TMEM51: variants seen among roughly 807,000 people sequenced by gnomAD.
The protein encoded by TMEM51 is transmembrane protein 51.
A neutral mutation model predicts 13.6 loss-of-function variants in TMEM51; 8 were observed. The ratio of observed to expected loss-of-function variants is 0.59; its 90% CI spans 0.35 to 1.07. The LOEUF is 1.07. TMEM51 is among the 50% of genes least tolerant of loss of function. The pLI, the probability that TMEM51 is intolerant of heterozygous loss-of-function variation, is 0.02. For synonymous variants in TMEM51, 147 were observed against 144.4 expected (o/e 1.02, Z -0.13); for missense variants, 279 against 330.7 (o/e 0.84, Z 1.21).
chr1:15,186,193 G>A (rs901055811), intron 1 of TMEM51, among the ~76,000 whole-genome samples: 1 of 152,242 alleles, frequency 6.6e-6, no homozygotes, highest in African/African-American at 2.4e-5. Context: ...GGTAAATGGC[G>A]TGAAGGAGTC....
chr1:15,162,632 G>A (rs1056073375), intron 1 of TMEM51, among the ~76,000 whole-genome samples: 1 of 152,076 alleles, frequency 6.6e-6, no homozygotes, highest in Non-Finnish European at 1.5e-5. Context: ...ATCAAAGGAT[G>A]AATGAATAAA....
At chr1:15,159,330 C>CT (rs1016609121) in intron 1 of TMEM51, among the ~76,000 whole-genome samples, 1 of 152,142 alleles carries the variant, frequency 6.6e-6, no homozygotes, top group Non-Finnish European at 1.5e-5. Flanking sequence ...GATGTAGACC[C>CT]TTGACCCCTC....
chr1:15,203,488 C>T (rs1644195784), intron 1 of TMEM51, among the ~76,000 whole-genome samples: 1 of 151,888 alleles, frequency 6.6e-6, no homozygotes, highest in Non-Finnish European at 1.5e-5. Context: ...GTCTCGAACT[C>T]CTGACCTCAT....
intron 2 of TMEM51, among the ~76,000 whole-genome samples, chr1:15,214,115 T>G (rs1644386225): frequency 6.6e-6 from 1 of 151,420 alleles, no homozygotes; most frequent in South Asian, 2.1e-4. Context: ...CCTCCCCAAG[T>G]GCTGGGATTA....
Position 15,219,515 on chromosome 1 carries a change from C to T in TMEM51, c.534C>T (p.Asp178=), listed in dbSNP as rs148295025. The T allele has an allele frequency of 3.7e-5, 59 of 1,613,954 alleles. No individual in the cohort carries two copies. Among genetic ancestry groups the T allele is most frequent in the Non-Finnish European group, 4.7e-5 (55 of 1,180,036 alleles). The stretch of plus-strand genomic sequence containing the variant: ...CCACCCCCACATCCACCAGGGCTGA[C>T]GTGGAGGCCAGCCCTGGGAACCCCC... ...DETTPTSTRA[D]VEASPGNPPD... Residue 178 remains aspartate (D), a synonymous_variant, in exon 4 of 4, where the codon GAC becomes GAT. Transcript: ENST00000376008.
At chr1:15,164,424 C>A in intron 1 of TMEM51, 1 of 456,070 alleles carries the variant, frequency 2.2e-6, no homozygotes. Context: ...GATGTCTTCT[C>A]GTGACTGGAC....
chr1:15,206,801 G>C (rs992657432), intron 1 of TMEM51, among the ~76,000 whole-genome samples: 2 of 152,132 alleles, frequency 1.3e-5, no homozygotes, highest in African/African-American at 4.8e-5. Context: ...GCTCTCTCCA[G>C]CTGGGCAGCC....
chr1:15,220,246 G>C lies in TMEM51; in HGVS notation c.*503G>C, dbSNP rs1194948196. 6.3e-6 allele frequency: 1 copy of C among 158,146 alleles called. No individual in the cohort carries two copies. The highest frequency in any genetic ancestry group is 1.4e-5 in the Non-Finnish European group (1 of 71,418). The allele number at this position is 158,146 out of a possible 1,614,324, so 9.8% of individuals were successfully genotyped here. On this transcript the variant is annotated 3_prime_UTR_variant, in exon 4 of 4. Coordinates refer to ENST00000376008, the MANE Select transcript of TMEM51 (RefSeq NM_001136218.2). ...GGCTGTTTTATGAACTAAGCGGTGA[G>C]GCTCAGGTGGCGGCTCTCGCAGAGC...
chr1:15,218,941 G>C (rs534597341), intron 3 of TMEM51, among the ~76,000 whole-genome samples: 2 of 152,326 alleles, frequency 1.3e-5, no homozygotes, highest in South Asian at 4.1e-4. Context: ...CTGCCTATGA[G>C]TTAGCCCTGC....
intron 1 of TMEM51, among the ~76,000 whole-genome samples, chr1:15,167,195 C>T (rs1037449043): frequency 2.0e-5 from 3 of 151,850 alleles, no homozygotes; most frequent in East Asian, 3.9e-4. Context: ...GGCGTGGTGG[C>T]GGGCGCCTGT....
intron 1 of TMEM51, among the ~76,000 whole-genome samples, chr1:15,159,272 T>C (rs1642690163): frequency 6.6e-6 from 1 of 152,200 alleles, no homozygotes; most frequent in South Asian, 2.1e-4. Context: ...CTGGGGCCTT[T>C]GCTGCAGGGG....
intron 1 of TMEM51, among the ~76,000 whole-genome samples, chr1:15,200,020 A>G (rs1644124342): frequency 6.6e-6 from 1 of 152,112 alleles, no homozygotes; most frequent in African/African-American, 2.4e-5. Flanking sequence ...TAAGCGAAGC[A>G]AATGTGGGCT....
intron 1 of TMEM51, among the ~76,000 whole-genome samples, chr1:15,170,680 G>A (rs1347728830): frequency 6.6e-6 from 1 of 152,024 alleles, no homozygotes; most frequent in Non-Finnish European, 1.5e-5. Flanking sequence ...TGTGACCATC[G>A]CCACTGTCTT....
chr1:15,171,121 C>CGG, intron 1 of TMEM51: 1 of 1,271,668 alleles, frequency 7.9e-7, no homozygotes, highest in Non-Finnish European at 1.0e-6. Flanking sequence ...CGCCACATCC[C>CGG]CCACCCCCAG....
rs1644275065 is a variant in TMEM51 at position 15,207,684 on chromosome 1, C to T, written c.-266-2806C>T. Among the ~76,000 whole-genome samples, 1 of 152,208 alleles carries T rather than the reference C, an allele frequency of 6.6e-6. No homozygotes were observed. Among genetic ancestry groups the T allele is most frequent in the Admixed American group, 6.5e-5 (1 of 15,282 alleles). ...ACGAGTGGAAAGAGCCTCTGCCCAG[C>T]GTGGAGCGGTGAGGCTAAAGGCTTC... is the stretch of plus-strand genomic sequence containing the variant. On this transcript the variant is annotated intron_variant, in intron 1 of 3. Transcript: ENST00000376008. This position sits in a 1 kb window ranked among gnomAD's most constrained non-coding sequence, Gnocchi z 4.6.
intron 1 of TMEM51, among the ~76,000 whole-genome samples, chr1:15,182,350 G>A (rs1236830071): frequency 6.6e-6 from 1 of 152,130 alleles, no homozygotes; most frequent in African/African-American, 2.4e-5. Context: ...CTGTAAAATG[G>A]ACATAGCCAT....
At chr1:15,190,430 G>C (rs61780605) in intron 1 of TMEM51, among the ~76,000 whole-genome samples, 1 of 152,136 alleles carries the variant, frequency 6.6e-6, no homozygotes, top group African/African-American at 2.4e-5. Flanking sequence ...TTTGGAACCT[G>C]ACACACATTG....
chr1:15,179,133 C>T (rs936748389), intron 1 of TMEM51, among the ~76,000 whole-genome samples: 2 of 144,396 alleles, frequency 1.4e-5, no homozygotes, highest in Admixed American at 1.4e-4. Context: ...ACTGGGGAAT[C>T]GCACCCCAAC....
At chr1:15,168,431 T>A in intron 1 of TMEM51, 1 of 1,257,508 alleles carries the variant, frequency 8.0e-7, no homozygotes, top group Non-Finnish European at 1.0e-6. Context: ...GATAAATGTA[T>A]AATGAGCTTG....
Sources: allele counts gnomAD v4.1 joint callset (sites outside exome capture counted in the v4.1 genomes callset), GRCh38; gene constraint gnomAD v4.1.1; non-coding constraint Gnocchi (gnomAD v3.1); transcripts MANE v1.5; gene names NCBI Gene and HGNC (gene_info 2026-07-23, HGNC 2026-07-21).